Variants in MMP16 observed in about 807,000 individuals in gnomAD.
MMP16 encodes matrix metalloproteinase-16.
In MMP16, 12 loss-of-function variants were observed where a neutral mutation model predicts 67.8. The observed-to-expected ratio is 0.18, with a 90% CI of 0.11 to 0.29. The LOEUF (loss-of-function observed/expected upper bound fraction) is 0.29. Ranked by LOEUF, MMP16 falls within the 10% of genes least tolerant of loss-of-function variation. The pLI, the probability that MMP16 is intolerant of heterozygous loss-of-function variation, is 1.00. For missense variants in MMP16, 475 were observed against 765.7 expected (o/e 0.62, Z 4.48); for synonymous variants, 249 against 255.9 (o/e 0.97, Z 0.26).
intron 4 of MMP16, among the ~76,000 whole-genome samples, chr8:88,136,537 G>C (rs1204449627): frequency 6.6e-6 from 1 of 151,488 alleles, no homozygotes; most frequent in Non-Finnish European, 1.5e-5. Flanking sequence ...CTTCTTGGTT[G>C]CTACATCCCC....
rs1302702914 is a variant in MMP16, at chr8:88,160,514, CA to C, written c.709+7154del. ...TCTCAAAAGAAGACATTTATGTAGC[CA>C]AAAAACACATGAAAAAATGCTCACC... On this transcript the variant is annotated intron_variant, in intron 4 of 9. Transcript: ENST00000286614. 2.0e-5 allele frequency among the ~76,000 whole-genome samples: 3 copies of C among 151,846 alleles called. 1 individual carries two copies. The highest frequency in any genetic ancestry group is 4.2e-4 in the South Asian group (2 of 4,816).
chr8:88,181,795 A>T (rs1808984994), intron 3 of MMP16, among the ~76,000 whole-genome samples: 1 of 152,064 alleles, frequency 6.6e-6, no homozygotes, highest in South Asian at 2.1e-4. Flanking sequence ...TAATCAACAT[A>T]GGGTGATATT....
intron 4 of MMP16, among the ~76,000 whole-genome samples, chr8:88,149,825 G>A (rs374029056): frequency 0.18 from 27,058 of 149,256 alleles, 2,544 homozygotes; most frequent in Middle Eastern, 0.24. Flanking sequence ...CCAAAGGAAC[G>A]CAGTTCCTCA....
rs1055893108 is a variant in MMP16 at position 88,032,870 on chromosome 8, T to C, written c.*8591A>G. The C allele has an allele frequency of 1.3e-5, 2 of 152,068 alleles. No individual in the cohort carries two copies. The highest frequency in any genetic ancestry group is 2.4e-5 in the African/African-American group (1 of 41,430). The allele number at this position is 152,068 out of a possible 1,614,324, so 9.4% of individuals were successfully genotyped here. Reference sequence around the variant, plus strand: ...ACATATTATCAAGAACTTAATGAAATAGTGTTGAGTGTAATGAGAACAATG... The same window carrying C: ...ACATATTATCAAGAACTTAATGAAACAGTGTTGAGTGTAATGAGAACAATG... On this transcript the variant is annotated 3_prime_UTR_variant, in exon 10 of 10. Transcript: ENST00000286614.
chr8:88,323,984 G>T (rs2130234364), intron 1 of MMP16, among the ~76,000 whole-genome samples: 1 of 152,162 alleles, frequency 6.6e-6, no homozygotes, highest in South Asian at 2.1e-4. Context: ...ATGTTCCCTT[G>T]CATCGTGCTA....
chr8:88,067,878 T>G (rs770513181), intron 7 of MMP16, among the ~76,000 whole-genome samples: 128 of 152,292 alleles, frequency 8.4e-4, no homozygotes, highest in Non-Finnish European at 1.0e-3. Context: ...CTTTGAATAT[T>G]CATGTAGAGG....
At chr8:88,188,556 G>A (rs549036829) in intron 2 of MMP16, among the ~76,000 whole-genome samples, 1 of 152,036 alleles carries the variant, frequency 6.6e-6, no homozygotes, top group African/African-American at 2.4e-5. Flanking sequence ...AATTACTTTA[G>A]TATGTATAAA....
chr8:88,207,651 A>G (rs1007377097), intron 1 of MMP16, among the ~76,000 whole-genome samples: 3 of 151,776 alleles, frequency 2.0e-5, no homozygotes, highest in Admixed American at 2.0e-4. Flanking sequence ...AGCTGAGGCT[A>G]CCTGTCATTT....
intron 1 of MMP16, among the ~76,000 whole-genome samples, chr8:88,321,073 T>C (rs1407888326): frequency 1.3e-5 from 2 of 152,188 alleles, no homozygotes; most frequent in East Asian, 3.9e-4. Context: ...TTACTTAGCA[T>C]TCTGTCCTTT....
chr8:88,054,428 C>T (rs1011757899), intron 8 of MMP16, among the ~76,000 whole-genome samples: 17 of 152,150 alleles, frequency 1.1e-4, no homozygotes, highest in African/African-American at 3.9e-4. Flanking sequence ...TGCAGATTTA[C>T]TTTCATTAGT....
intron 1 of MMP16, among the ~76,000 whole-genome samples, chr8:88,202,268 G>C (rs571525704): frequency 8.5e-4 from 130 of 152,316 alleles, no homozygotes; most frequent in African/African-American, 3.1e-3. Context: ...TGGACAGGAA[G>C]AGAAGAAAAC....
chr8:88,317,890 G>A (rs1811398918), intron 1 of MMP16, among the ~76,000 whole-genome samples: 1 of 152,100 alleles, frequency 6.6e-6, no homozygotes, highest in Admixed American at 6.6e-5. Flanking sequence ...CAGTGAGGAG[G>A]AACTCAATAA....
intron 1 of MMP16, among the ~76,000 whole-genome samples, chr8:88,300,442 C>T (rs1161011020): frequency 1.3e-5 from 2 of 152,140 alleles, no homozygotes; most frequent in Non-Finnish European, 2.9e-5. Flanking sequence ...CAGCCCTGGA[C>T]GTGAATCCAA....
At chr8:88,078,185 C>G (rs978747759) in intron 6 of MMP16, among the ~76,000 whole-genome samples, 2 of 152,018 alleles carry the variant, frequency 1.3e-5, no homozygotes, top group Non-Finnish European at 2.9e-5. Context: ...AAATAATAAC[C>G]ATAACTAGCC....
intron 1 of MMP16, among the ~76,000 whole-genome samples, chr8:88,295,936 T>A (rs1811006306): frequency 6.6e-6 from 1 of 152,144 alleles, no homozygotes; most frequent in Non-Finnish European, 1.5e-5. Flanking sequence ...TCAGTACATG[T>A]GGGAAAAATA....
At chr8:88,178,013 A>C (rs1808920794) in intron 3 of MMP16, among the ~76,000 whole-genome samples, 1 of 151,298 alleles carries the variant, frequency 6.6e-6, no homozygotes, top group Non-Finnish European at 1.5e-5. Context: ...GAGACAAAGA[A>C]AAAAAAAAGA....
chr8:88,128,443 A>G (rs1807971952), intron 4 of MMP16, among the ~76,000 whole-genome samples: 1 of 151,874 alleles, frequency 6.6e-6, no homozygotes, highest in African/African-American at 2.4e-5. Flanking sequence ...AACTTTAGAC[A>G]GGTTTTTTTC....
chr8:88,320,232 C>T (rs1043426212), intron 1 of MMP16, among the ~76,000 whole-genome samples: 4 of 152,064 alleles, frequency 2.6e-5, no homozygotes, highest in African/African-American at 9.7e-5. Context: ...AGTATTTATT[C>T]AATAAGGACT....
Position 88,074,830 on chromosome 8 carries a change from A to G in MMP16, c.1084-87T>C, listed in dbSNP as rs975750394. On this transcript the variant is annotated intron_variant, in intron 6 of 9. Coordinates refer to ENST00000286614, the MANE Select transcript of MMP16 (RefSeq NM_005941.5). The stretch of plus-strand genomic sequence containing the variant: ...CAATGGCTGGACGCTTTTGAAATCA[A>G]GCTGGTTTCCTTATTTATTGTCTTA... 3.9e-5 allele frequency: 57 copies of G among 1,464,152 alleles called. No individual in the cohort carries two copies. In the African/African-American group the frequency reaches 7.5e-4, roughly 19 times the overall value. 90.7% of individuals were successfully genotyped at this position (1,464,152 alleles called of 1,614,324 possible).
Sources: gnomAD v4.1 joint callset for allele counts (sites outside exome capture counted in the v4.1 genomes callset) on GRCh38, gnomAD v4.1.1 for gene constraint, MANE v1.5 for transcripts, NCBI Gene and HGNC (gene_info 2026-07-23, HGNC 2026-07-21) for gene names.